Variants in ELMO1 observed in about 807,000 individuals in gnomAD.
The protein encoded by ELMO1 is engulfment and cell motility protein 1.
In ELMO1, 26 loss-of-function variants were observed where a neutral mutation model predicts 98.9. That is an observed-to-expected ratio of 0.26 (90% confidence interval 0.19 to 0.36). The LOEUF is 0.36. Ranked by LOEUF, ELMO1 falls within the 10% of genes least tolerant of loss-of-function variation. ELMO1 has a pLI of 1.00. For synonymous variants in ELMO1, 346 were observed against 346.0 expected (o/e 1.00, Z 0.00); for missense variants, 627 against 935.2 (o/e 0.67, Z 4.30).
chr7:37,007,474 C>G (rs538438953), intron 16 of ELMO1, among the ~76,000 whole-genome samples: 13 of 152,306 alleles, frequency 8.5e-5, no homozygotes, highest in Admixed American at 2.0e-4. Context: ...ACCTGCCTCA[C>G]GCAAATGAGG....
intron 13 of ELMO1, among the ~76,000 whole-genome samples, chr7:37,151,100 T>C (rs1788325972): frequency 6.6e-6 from 1 of 152,094 alleles, no homozygotes; most frequent in Non-Finnish European, 1.5e-5. Context: ...TTTCAAACAG[T>C]GTGGGGAGAC....
At chr7:37,292,841 C>T (rs1372598474) in intron 4 of ELMO1, among the ~76,000 whole-genome samples, 1 of 109,970 alleles carries the variant, frequency 9.1e-6, no homozygotes, top group African/African-American at 3.3e-5. Flanking sequence ...AGGTGAGGGG[C>T]GCCTCTGCCC....
At chr7:37,042,996 T>A (rs1482929376) in intron 15 of ELMO1, among the ~76,000 whole-genome samples, 1 of 152,364 alleles carries the variant, frequency 6.6e-6, no homozygotes, top group East Asian at 1.9e-4. Flanking sequence ...CCATTTGAGC[T>A]GTATATGTAG....
chr7:37,355,053 G>A (rs1039966937), intron 1 of ELMO1, among the ~76,000 whole-genome samples: 37 of 152,236 alleles, frequency 2.4e-4, no homozygotes, highest in African/African-American at 8.2e-4. Flanking sequence ...ATGCAATGCC[G>A]CATAGCCGCC....
chr7:36,917,492 T>A lies in ELMO1; in HGVS notation c.1438-22475A>T, dbSNP rs148892465. Among the ~76,000 whole-genome samples, 1,192 of 152,234 alleles carry A rather than the reference T, an allele frequency of 7.8e-3. 18 individuals carry two copies. Among genetic ancestry groups the A allele is most frequent in the African/African-American group, 0.027 (1,125 of 41,534 alleles). The stretch of plus-strand genomic sequence containing the variant: ...TGGATAAAGGATATAAAAATGCAAT[T>A]TGCAGAAGGAAAAATCCAAATGGGT... On this transcript the variant is annotated intron_variant, in intron 16 of 21. Coordinates refer to ENST00000310758, the MANE Select transcript of ELMO1 (RefSeq NM_014800.11).
chr7:37,236,851 G>T (rs1239248999), intron 7 of ELMO1, among the ~76,000 whole-genome samples: 4 of 152,148 alleles, frequency 2.6e-5, no homozygotes, highest in African/African-American at 9.7e-5. Context: ...TCCACTCCTA[G>T]AGGAGTAATT....
At chr7:37,284,986 C>T (rs1797318724) in intron 4 of ELMO1, among the ~76,000 whole-genome samples, 1 of 152,202 alleles carries the variant, frequency 6.6e-6, no homozygotes, top group Non-Finnish European at 1.5e-5. Flanking sequence ...GGCCTCAGGC[C>T]TCCTGCACCC....
intron 1 of ELMO1, among the ~76,000 whole-genome samples, chr7:37,438,150 T>C (rs1805228376): frequency 6.6e-6 from 1 of 152,204 alleles, no homozygotes; most frequent in Non-Finnish European, 1.5e-5. Context: ...CCTCTTGTTT[T>C]CTTGAAGAAA....
At chr7:37,068,900 G>A (rs1468947696) in intron 15 of ELMO1, among the ~76,000 whole-genome samples, 1 of 149,386 alleles carries the variant, frequency 6.7e-6, no homozygotes, top group Admixed American at 6.6e-5. Context: ...TAAATATAAA[G>A]GTGGCTAATA....
At chr7:36,916,931 T>C (rs1436231929) in intron 16 of ELMO1, among the ~76,000 whole-genome samples, 1 of 152,206 alleles carries the variant, frequency 6.6e-6, no homozygotes, top group African/African-American at 2.4e-5. Context: ...GTAATTAGCT[T>C]AATGAGGGCC....
In ELMO1 at chr7:37,086,330, C is replaced by CTGTGTGTGTG. The variant is rs58906590; in HGVS notation, c.1300+10279_1300+10288dup. On this transcript the variant is annotated intron_variant, in intron 15 of 21. Transcript: ENST00000310758. ...GAAACATTTTTGTAACAATACATGA[C>CTGTGTGTGTG]TGTGTGTGTGTGTGTGTGTGTGTGT... Among the ~76,000 whole-genome samples the CTGTGTGTGTG allele has an allele frequency of 1.6e-3, 229 of 143,178 alleles. 1 individual carries two copies. Among genetic ancestry groups the CTGTGTGTGTG allele is most frequent in the African/African-American group, 3.6e-3 (142 of 38,930 alleles). 93.9% of individuals were successfully genotyped at this position (143,178 alleles called of 152,430 possible).
chr7:37,394,648 G>C (rs1367655146), intron 1 of ELMO1, among the ~76,000 whole-genome samples: 1 of 152,184 alleles, frequency 6.6e-6, no homozygotes, highest in African/African-American at 2.4e-5. Context: ...CAGGAACAGT[G>C]TGGAGGAAAC....
chr7:37,101,073 C>T (rs192300191), intron 14 of ELMO1, among the ~76,000 whole-genome samples: 64 of 152,362 alleles, frequency 4.2e-4, no homozygotes, highest in Admixed American at 3.4e-3. Flanking sequence ...ACATTTCACA[C>T]AACACTTTTA....
At chr7:37,016,044 T>C (rs1336524749) in intron 15 of ELMO1, among the ~76,000 whole-genome samples, 1 of 152,220 alleles carries the variant, frequency 6.6e-6, no homozygotes, top group East Asian at 1.9e-4. Flanking sequence ...CAATGAAATT[T>C]ACAAATCTTC....
intron 4 of ELMO1, among the ~76,000 whole-genome samples, chr7:37,287,794 G>A (rs776718805): frequency 2.9e-4 from 44 of 152,058 alleles, no homozygotes; most frequent in Non-Finnish European, 5.4e-4. Flanking sequence ...AATTTCTCTG[G>A]TACCTCCTCT....
In ELMO1 at chr7:37,025,895, T is replaced by TTCTATCTATCTATCTA. The variant is rs57497721; in HGVS notation, c.1301-12476_1301-12461dup. ...TCTCTCCAAATATATATATTATATA[T>TTCTATCTATCTATCTA]TCTATCTATCTATCTATCTATCTAT... On this transcript the variant is annotated intron_variant, in intron 15 of 21. Coordinates refer to ENST00000310758, the MANE Select transcript of ELMO1 (RefSeq NM_014800.11). Among the ~76,000 whole-genome samples the TTCTATCTATCTATCTA allele has an allele frequency of 7.5e-3, 1,070 of 142,942 alleles. 1 individual carries two copies. Among genetic ancestry groups the TTCTATCTATCTATCTA allele is most frequent in the East Asian group, 0.01 (51 of 4,896 alleles). 93.8% of individuals were successfully genotyped at this position (142,942 alleles called of 152,430 possible).
intron 13 of ELMO1, among the ~76,000 whole-genome samples, chr7:37,186,357 A>G (rs1176589853): frequency 2.6e-5 from 4 of 152,222 alleles, no homozygotes; most frequent in Admixed American, 2.6e-4. Flanking sequence ...AAACTATTAG[A>G]AGAAAATGTA....
At chr7:37,046,896 T>G (rs1297069638) in intron 15 of ELMO1, among the ~76,000 whole-genome samples, 1 of 152,204 alleles carries the variant, frequency 6.6e-6, no homozygotes, top group African/African-American at 2.4e-5. Context: ...TTTTCAAGCT[T>G]GTGAAAGGCA....
At chr7:36,895,128 T>C in intron 16 of ELMO1, 111 bp from the exon 17 acceptor site, 1 of 1,253,630 alleles carries the variant, frequency 8.0e-7, no homozygotes, top group Non-Finnish European at 1.1e-6. Flanking sequence ...GCACGCATGC[T>C]CAGCATTAAC....
Sources: gnomAD v4.1 joint callset for allele counts (sites outside exome capture counted in the v4.1 genomes callset) on GRCh38, gnomAD v4.1.1 for gene constraint, MANE v1.5 for transcripts, NCBI Gene and HGNC (gene_info 2026-07-23, HGNC 2026-07-21) for gene names.